MAPK10: variants seen among roughly 807,000 people sequenced by gnomAD.
MAPK10 encodes mitogen-activated protein kinase 10, also known as JNK3 alpha protein kinase.
MAPK10 carries 25 observed loss-of-function variants against 59.3 expected under a neutral mutation model. The ratio of observed to expected loss-of-function variants is 0.42; its 90% CI spans 0.31 to 0.59. MAPK10 has a LOEUF of 0.59. MAPK10 is among the 20% of genes least tolerant of loss of function. The probability of loss-of-function intolerance (pLI) is 0.15; values close to 1 mark genes in which losing one functional copy is unlikely to be tolerated. For synonymous variants in MAPK10, 190 were observed against 200.5 expected (o/e 0.95, Z 0.44); for missense variants, 351 against 568.9 (o/e 0.62, Z 3.90).
In MAPK10 at chr4:86,176,809, G is replaced by T. The variant is rs186701693; in HGVS notation, c.67-17342C>A. 2.4e-4 allele frequency among the ~76,000 whole-genome samples: 36 copies of T among 152,042 alleles called. No homozygotes were observed. In the East Asian group the frequency reaches 5.6e-3, roughly 24 times the overall value. On this transcript the variant is annotated intron_variant, in intron 3 of 13. Transcript: ENST00000641462. ...GGTAGACCGTTATCATGACAGTACA[G>T]AAATCTCTGTGATTTATTTCAACAT...
chr4:86,257,448 A>C (rs1229105131), intron 2 of MAPK10, among the ~76,000 whole-genome samples: 1 of 152,180 alleles, frequency 6.6e-6, no homozygotes, highest in Non-Finnish European at 1.5e-5. Context: ...AATGTTGCTA[A>C]ATCTTCCTTT....
Position 86,015,939 on chromosome 4 carries a change from CATTATT to C in MAPK10, c.*1283_*1288del, listed in dbSNP as rs1236631055. On this transcript the variant is annotated 3_prime_UTR_variant, in exon 14 of 14. Transcript: ENST00000641462. ...GACTCACACTGTGGTTTGGGGGTTT[CATTATT>C]ATTATTATTATTTTATTTCAGAAGA... is the stretch of plus-strand genomic sequence containing the variant. 1.3e-5 allele frequency: 2 copies of C among 152,088 alleles called. No homozygotes were observed. Among genetic ancestry groups the C allele is most frequent in the South Asian group, 2.1e-4 (1 of 4,802 alleles). The allele number at this position is 152,088 out of a possible 1,614,324, so 9.4% of individuals were successfully genotyped here.
intron 13 of MAPK10, among the ~76,000 whole-genome samples, chr4:86,022,804 A>T (rs1747979047): frequency 6.6e-6 from 1 of 152,212 alleles, no homozygotes; most frequent in Non-Finnish European, 1.5e-5. Context: ...CCACTGTGAC[A>T]GGCCTGTAAG....
intron 11 of MAPK10, among the ~76,000 whole-genome samples, chr4:86,062,628 G>A (rs2045953931): frequency 6.6e-6 from 1 of 151,864 alleles, no homozygotes; most frequent in African/African-American, 2.4e-5. Context: ...ACATAGTGAG[G>A]CATAAGTTAA....
chr4:86,404,671 GA>G (rs1032514852), intron 1 of MAPK10, among the ~76,000 whole-genome samples: 17 of 152,114 alleles, frequency 1.1e-4, no homozygotes, highest in African/African-American at 3.6e-4. Flanking sequence ...AAATATTTCA[GA>G]GGAAGATTGT....
At chr4:86,206,971 G>A (rs867498947) in intron 2 of MAPK10, among the ~76,000 whole-genome samples, 21 of 151,974 alleles carry the variant, frequency 1.4e-4, no homozygotes, top group South Asian at 4.1e-4. Context: ...AGTAGGTTGC[G>A]AAAATTTTCT....
rs181835033 is a variant in MAPK10, at chr4:86,240,021, G to T, written c.-6-45614C>A. Among the ~76,000 whole-genome samples the T allele has an allele frequency of 1.3e-4, 20 of 152,278 alleles. No homozygotes were observed. The East Asian group carries it at 3.9e-3, about 29-fold the overall frequency. ...AGATTTCCTTAACACTGCTTTAGCT[G>T]TGCCCCAGAGACTCTGGTATGTTGT... On this transcript the variant is annotated intron_variant, in intron 2 of 13. Transcript: ENST00000641462.
chr4:86,423,171 A>G (rs1314769893), intron 1 of MAPK10, among the ~76,000 whole-genome samples: 1 of 152,196 alleles, frequency 6.6e-6, no homozygotes, highest in African/African-American at 2.4e-5. Flanking sequence ...AATTATGGAG[A>G]CAAAAGGCAT....
chr4:86,468,340 G>C (rs752352298), intron 1 of MAPK10, among the ~76,000 whole-genome samples: 1 of 152,108 alleles, frequency 6.6e-6, no homozygotes, highest in Non-Finnish European at 1.5e-5. Flanking sequence ...TATTGCAATA[G>C]TCCCTTTGAC....
intron 1 of MAPK10, among the ~76,000 whole-genome samples, chr4:86,509,965 A>G (rs1250591720): frequency 6.6e-6 from 1 of 152,188 alleles, no homozygotes; most frequent in African/African-American, 2.4e-5. Context: ...CTAAATTGTA[A>G]AATCTGGTGT....
intron 9 of MAPK10, among the ~76,000 whole-genome samples, chr4:86,082,690 T>C (rs748312296): frequency 5.9e-5 from 9 of 152,160 alleles, no homozygotes; most frequent in Non-Finnish European, 1.3e-4. Flanking sequence ...TAAAGGAACT[T>C]ATCTAGATAA....
chr4:86,137,310 A>G (rs1334842571), intron 4 of MAPK10, among the ~76,000 whole-genome samples: 3 of 151,126 alleles, frequency 2.0e-5, no homozygotes, highest in Non-Finnish European at 2.9e-5. Flanking sequence ...CAAATGTAAA[A>G]GAACAGAAAT....
chr4:86,037,669 G>T (rs2040626135), intron 11 of MAPK10, among the ~76,000 whole-genome samples: 1 of 152,100 alleles, frequency 6.6e-6, no homozygotes, highest in South Asian at 2.1e-4. Context: ...TTTTTCAACA[G>T]CATTATAGGA....
rs145690880 is a variant in MAPK10, at chr4:86,412,325, C to T, written c.-122+40705G>A. On this transcript the variant is annotated intron_variant, in intron 1 of 13. Transcript: ENST00000361569. ...TAACCCTACTTTTCTCTCTGGCTGC[C>T]CTTTACATTTTTTCCTTCATTTCAA... is the stretch of plus-strand genomic sequence containing the variant. Among the ~76,000 whole-genome samples the T allele has an allele frequency of 2.5e-3, 387 of 152,182 alleles. 7 individuals are homozygous for T. Among genetic ancestry groups the T allele is most frequent in the Non-Finnish European group, 3.1e-4 (21 of 68,020 alleles).
At chr4:86,027,418 C>A (rs1466543678) in intron 13 of MAPK10, 5 of 152,046 alleles carry the variant, frequency 3.3e-5, no homozygotes, top group Admixed American at 1.3e-4. Context: ...ATATATTTCC[C>A]AAAATGAATA....
At chr4:86,145,822 T>C (rs1186230368) in intron 4 of MAPK10, among the ~76,000 whole-genome samples, 1 of 152,100 alleles carries the variant, frequency 6.6e-6, no homozygotes, top group African/African-American at 2.4e-5. Context: ...ACCTGTAACA[T>C]CCAGCATTTC....
intron 1 of MAPK10, among the ~76,000 whole-genome samples, chr4:86,497,740 A>T (rs1240012203): frequency 6.6e-6 from 1 of 152,192 alleles, no homozygotes; most frequent in African/African-American, 2.4e-5. Context: ...GCCAATTTCG[A>T]GTGTACCAAG....
In MAPK10 at chr4:86,015,086, A is replaced by G. The variant is rs927908087; in HGVS notation, c.*2142T>C. ...AGGAGGCATTTTTAACAATCAGGTT[A>G]TCTGCAATATTAACCAGAAAAAAAA... On this transcript the variant is annotated 3_prime_UTR_variant, in exon 14 of 14. Transcript: ENST00000641462. 1 of 152,034 alleles carries G rather than the reference A, an allele frequency of 6.6e-6. No individual in the cohort carries two copies. Among genetic ancestry groups the G allele is most frequent in the African/African-American group, 2.4e-5 (1 of 41,384 alleles). The allele number at this position is 152,034 out of a possible 1,614,324, so 9.4% of individuals were successfully genotyped here. A position where few individuals can be genotyped will look rare whatever the true frequency, so the allele number is the denominator to read the frequency against.
intron 2 of MAPK10, among the ~76,000 whole-genome samples, chr4:86,256,464 T>C (rs2093713641): frequency 6.6e-6 from 1 of 152,116 alleles, no homozygotes; most frequent in Non-Finnish European, 1.5e-5. Flanking sequence ...TCTTTCTGTT[T>C]TGCTTATTCT....
Sources: allele counts gnomAD v4.1 joint callset (sites outside exome capture counted in the v4.1 genomes callset), GRCh38; gene constraint gnomAD v4.1.1; transcripts MANE v1.5; gene names NCBI Gene and HGNC (gene_info 2026-07-23, HGNC 2026-07-21).